Variants in ZNF740 observed in about 807,000 individuals in gnomAD.
The protein encoded by ZNF740 is oriLyt TD-element-binding protein 7.
A neutral mutation model predicts 24.8 loss-of-function variants in ZNF740; 14 were observed. That is an observed-to-expected ratio of 0.56 (90% CI 0.37 to 0.88). The LOEUF (loss-of-function observed/expected upper bound fraction) is 0.88. Among genes scored for constraint, ZNF740 ranks in the 40% least tolerant of loss-of-function variants. The probability of loss-of-function intolerance (pLI) is 0.00; values close to 1 mark genes in which losing one functional copy is unlikely to be tolerated. For missense variants in ZNF740, 201 were observed against 247.9 expected (o/e 0.81, Z 1.27); for synonymous variants, 69 against 84.0 (o/e 0.82, Z 0.98).
In ZNF740 at chr12:53,181,932, GGT is replaced by G. The variant is rs1271828070; in HGVS notation, c.-50_-49del. On this transcript the variant is annotated 5_prime_UTR_variant, in exon 2 of 7. Transcript: ENST00000416904. ...TCAAAACGACAGTGTCTCAAGGAAA[GGT>G]GGACCTAGGAACTCCTGAACTTTTG... The G allele has an allele frequency of 1.8e-5, 29 of 1,593,460 alleles. No individual in the cohort carries two copies. The South Asian group carries it at 2.4e-4, about 13-fold the overall frequency.
rs1388298078 is a variant in ZNF740, at chr12:53,190,792, A to G, written c.*3202A>G. 3 of 151,848 alleles carry G rather than the reference A, an allele frequency of 2.0e-5. No individual in the cohort carries two copies. The highest frequency in any genetic ancestry group is 7.3e-5 in the African/African-American group (3 of 41,292). The allele number at this position is 151,848 out of a possible 1,614,324, so 9.4% of individuals were successfully genotyped here. On this transcript the variant is annotated 3_prime_UTR_variant, in exon 7 of 7. Transcript: ENST00000416904. ...TGTTATAAACTTGTATCTTTTTACC[A>G]TTAAAGTGCAGTGTATGTTCCTTCG...
In ZNF740 at chr12:53,180,805, G is replaced by A; in HGVS notation, c.-340G>A. 2 of 1,272,448 alleles carry A rather than the reference G, an allele frequency of 1.6e-6. No individual in the cohort carries two copies. Among genetic ancestry groups the A allele is most frequent in the Non-Finnish European group, 1.0e-6 (1 of 982,324 alleles). The allele number at this position is 1,272,448 out of a possible 1,614,324, so 78.8% of individuals were successfully genotyped here. Reference sequence around the variant, plus strand: ...TGGGGCCTGGAGGAGGCGCCGCGCGGCCAGGGAGCCAGCGGGAGGCCGCGC... The same window carrying A: ...TGGGGCCTGGAGGAGGCGCCGCGCGACCAGGGAGCCAGCGGGAGGCCGCGC... On this transcript the variant is annotated 5_prime_UTR_variant, in exon 1 of 7. Coordinates refer to ENST00000416904, the MANE Select transcript of ZNF740 (RefSeq NM_001004304.4).
chr12:53,186,355 C>T (rs1243282763), intron 5 of ZNF740, 36 bp from the exon 6 acceptor site: 3 of 1,523,356 alleles, frequency 2.0e-6, no homozygotes, highest in Non-Finnish European at 2.7e-6. Flanking sequence ...ACTGTACATA[C>T]CTCCCCACAT....
rs534831669 is a variant in ZNF740, at chr12:53,181,105, C to T, written c.-308+268C>T. 37 of 950,562 alleles carry T rather than the reference C, an allele frequency of 3.9e-5. No homozygotes were observed. In the South Asian group the frequency reaches 1.5e-3, roughly 39 times the overall value. The allele number at this position is 950,562 out of a possible 1,614,324, so 58.9% of individuals were successfully genotyped here. Reference sequence around the variant, plus strand: ...CGCATCTCGCGCGCTTCTCGGCACTCTCCGGCTCTGCTCCCGGTTGGTGCA... The same window carrying T: ...CGCATCTCGCGCGCTTCTCGGCACTTTCCGGCTCTGCTCCCGGTTGGTGCA... On this transcript the variant is annotated intron_variant, in intron 1 of 6. Coordinates refer to ENST00000416904, the MANE Select transcript of ZNF740 (RefSeq NM_001004304.4).
chr12:53,194,459 G>C lies in ZNF740; in HGVS notation c.*6869G>C. 1 of 1,036,814 alleles carries C rather than the reference G, an allele frequency of 9.6e-7. No homozygotes were observed. Among genetic ancestry groups the C allele is most frequent in the Non-Finnish European group, 1.4e-6 (1 of 701,744 alleles). 64.2% of individuals were successfully genotyped at this position (1,036,814 alleles called of 1,614,324 possible). ...CCAGCACCCTGCCCTCTGCCACCTG[G>C]GGCTCCTTCCATTCTGCCCAGTCGA... On this transcript the variant is annotated 3_prime_UTR_variant, in exon 7 of 7. Coordinates refer to ENST00000416904, the MANE Select transcript of ZNF740 (RefSeq NM_001004304.4).
In ZNF740 at chr12:53,189,589, T is replaced by G. The variant is rs574347454; in HGVS notation, c.*1999T>G. ...TTTTGGGGAGACGCTGAGGAGTGTT[T>G]GCTGCCATGTACTCTTACAGCTCTA... On this transcript the variant is annotated 3_prime_UTR_variant, in exon 7 of 7. Transcript: ENST00000416904. The G allele has an allele frequency of 1.3e-5, 2 of 152,266 alleles. No individual in the cohort carries two copies. The highest frequency in any genetic ancestry group is 4.2e-4 in the South Asian group (2 of 4,814). The allele number at this position is 152,266 out of a possible 1,614,324, so 9.4% of individuals were successfully genotyped here. A position where few individuals can be genotyped will look rare whatever the true frequency, so the allele number is the denominator to read the frequency against.
chr12:53,186,549 T>C, intron 6 of ZNF740, 40 bp downstream of exon 6: 1 of 1,499,702 alleles, frequency 6.7e-7, no homozygotes, highest in South Asian at 1.2e-5. Flanking sequence ...CACACACTTT[T>C]CCTTCCCCAA....
chr12:53,183,303 C>T (rs1341319183), intron 2 of ZNF740, among the ~76,000 whole-genome samples: 1 of 152,188 alleles, frequency 6.6e-6, no homozygotes, highest in East Asian at 1.9e-4. Context: ...TGTAAGGAAA[C>T]TAAGGCTTGC....
intron 4 of ZNF740, 99 bp from the exon 5 acceptor site, chr12:53,185,855 G>A: frequency 6.7e-7 from 1 of 1,486,038 alleles, no homozygotes; most frequent in South Asian, 1.3e-5. Context: ...CATCAGAGAG[G>A]TTCCTTTCTC....
At chr12:53,181,612 A>G (rs1434845594) in intron 1 of ZNF740, 65 bp from the exon 2 acceptor site, 1 of 581,316 alleles carries the variant, frequency 1.7e-6, no homozygotes, top group Admixed American at 5.9e-5. Flanking sequence ...AAAAATTCAT[A>G]TCGCACGTTG....
rs553868833 is a variant in ZNF740 at position 53,180,765 on chromosome 12, G to T, written c.-380G>T. ...CGGTGGGGGCAGCCGCGGCGGTGGG[G>T]TTGGCAGGGTGTGCTGGGGCCTGGA... On this transcript the variant is annotated 5_prime_UTR_variant, in exon 1 of 7. Transcript: ENST00000416904. 7.9e-7 allele frequency: 1 copy of T among 1,272,566 alleles called. No homozygotes were observed. The highest frequency in any genetic ancestry group is 1.3e-5 in the South Asian group (1 of 79,178). 78.8% of individuals were successfully genotyped at this position (1,272,566 alleles called of 1,614,324 possible).
At position 53,193,496 on chromosome 12, in the gene ZNF740, A is replaced by G. The variant is rs1942042470; in HGVS notation, c.*5906A>G. On this transcript the variant is annotated 3_prime_UTR_variant, in exon 7 of 7. Transcript: ENST00000416904. The stretch of plus-strand genomic sequence containing the variant: ...ACAAACAGCTGAAAGGATGTTAAGT[A>G]TAGTGAAACACTGAGGGGTGAGAGA... 7 of 769,858 alleles carry G rather than the reference A, an allele frequency of 9.1e-6. No homozygotes were observed. The highest frequency in any genetic ancestry group is 6.2e-6 in the Non-Finnish European group (3 of 484,620). The allele number at this position is 769,858 out of a possible 1,614,324, so 47.7% of individuals were successfully genotyped here.
In ZNF740 at chr12:53,193,537, G is replaced by A. The variant is rs552322628; in HGVS notation, c.*5947G>A. On this transcript the variant is annotated 3_prime_UTR_variant, in exon 7 of 7. Coordinates refer to ENST00000416904, the MANE Select transcript of ZNF740 (RefSeq NM_001004304.4). ...GGGTGAGAGAGTGGAGGGAGCCCCA[G>A]TCAGGGGGAGGGCCTGGACATACAT... is the stretch of plus-strand genomic sequence containing the variant. 28 of 746,718 alleles carry A rather than the reference G, an allele frequency of 3.7e-5. No homozygotes were observed. In the South Asian group the frequency reaches 5.4e-4, roughly 14 times the overall value. 46.3% of individuals were successfully genotyped at this position (746,718 alleles called of 1,614,324 possible).
At position 53,194,316 on chromosome 12, in the gene ZNF740, T is replaced by C. The variant is rs1481355313; in HGVS notation, c.*6726T>C. The C allele has an allele frequency of 1.2e-6, 2 of 1,613,442 alleles. No individual in the cohort carries two copies. The highest frequency in any genetic ancestry group is 1.7e-6 in the Non-Finnish European group (2 of 1,179,840). On this transcript the variant is annotated 3_prime_UTR_variant, in exon 7 of 7. Coordinates refer to ENST00000416904, the MANE Select transcript of ZNF740 (RefSeq NM_001004304.4). ...GTGGACCCCAGGAGGGAGTGAAGAG[T>C]GTTCAAGGGTCACGGTGGAAGACAG... is the stretch of plus-strand genomic sequence containing the variant.
chr12:53,181,394 G>A (rs1000085610), intron 1 of ZNF740: 17 of 985,272 alleles, frequency 1.7e-5, no homozygotes, highest in Non-Finnish European at 2.0e-5. Context: ...GCCCCAAAGG[G>A]TCTCCGCCCC....
chr12:53,193,815 C>T lies in ZNF740; in HGVS notation c.*6225C>T. 6.2e-7 allele frequency: 1 copy of T among 1,614,084 alleles called. No homozygotes were observed. Among genetic ancestry groups the T allele is most frequent in the South Asian group, 1.1e-5 (1 of 91,086 alleles). On this transcript the variant is annotated 3_prime_UTR_variant, in exon 7 of 7. Transcript: ENST00000416904. Reference sequence around the variant, plus strand: ...ACAGCGTGTGCAACTCCACAATCAGCTCCTCTGAGAAGCCAAGGGCCCGGA... The same window carrying T: ...ACAGCGTGTGCAACTCCACAATCAGTTCCTCTGAGAAGCCAAGGGCCCGGA...
chr12:53,181,105 C>G, intron 1 of ZNF740: 1 of 950,566 alleles, frequency 1.1e-6, no homozygotes, highest in Non-Finnish European at 1.3e-6. Context: ...TCTCGGCACT[C>G]TCCGGCTCTG....
At chr12:53,182,954 A>G (rs1941719567) in intron 2 of ZNF740, among the ~76,000 whole-genome samples, 1 of 152,214 alleles carries the variant, frequency 6.6e-6, no homozygotes, top group Non-Finnish European at 1.5e-5. Flanking sequence ...TCATCTGAGT[A>G]GAATAGCTAT....
chr12:53,186,709 A>AATG (rs760885956), intron 6 of ZNF740, 200 bp downstream of exon 6: 5 of 505,458 alleles, frequency 9.9e-6, no homozygotes, highest in Non-Finnish European at 1.8e-5. Context: ...TAATAATAAT[A>AATG]ATAGCATTCC....
Sources: allele counts gnomAD v4.1 joint callset (sites outside exome capture counted in the v4.1 genomes callset), GRCh38; gene constraint gnomAD v4.1.1; transcripts MANE v1.5; gene names NCBI Gene and HGNC (gene_info 2026-07-23, HGNC 2026-07-21).